Variants in PTPRN2 observed in about 807,000 individuals in gnomAD.
PTPRN2 encodes protein tyrosine phosphatase receptor type N2.
In PTPRN2, 74 loss-of-function variants were observed where a neutral mutation model predicts 118.8. The observed-to-expected ratio is 0.62, with a 90% CI of 0.52 to 0.76. The LOEUF is 0.76. Ranked by LOEUF, PTPRN2 falls within the 30% of genes least tolerant of loss-of-function variation. The probability of loss-of-function intolerance (pLI) is 0.00; values close to 1 mark genes in which losing one functional copy is unlikely to be tolerated. For synonymous variants in PTPRN2, 641 were observed against 608.0 expected (o/e 1.05, Z -0.80); for missense variants, 1,481 against 1,394.4 (o/e 1.06, Z -0.99).
At chr7:158,014,378 C>T (rs1362857566) in intron 11 of PTPRN2, among the ~76,000 whole-genome samples, 2 of 151,150 alleles carry the variant, frequency 1.3e-5, no homozygotes, top group Non-Finnish European at 3.0e-5. Flanking sequence ...CATCACTTTA[C>T]CTGTTTGTTC....
chr7:157,781,136 G>C (rs113729990), intron 12 of PTPRN2, among the ~76,000 whole-genome samples: 42 of 152,168 alleles, frequency 2.8e-4, no homozygotes, highest in African/African-American at 9.9e-4. Flanking sequence ...CGGTCCTATG[G>C]CCAGAGCACT....
chr7:157,994,845 G>A (rs375899456), intron 11 of PTPRN2, among the ~76,000 whole-genome samples: 3 of 11,026 alleles, frequency 2.7e-4, no homozygotes, highest in Non-Finnish European at 4.8e-4. Context: ...TCAACGCCGC[G>A]TCCCCAGCTT....
intron 11 of PTPRN2, among the ~76,000 whole-genome samples, chr7:158,018,279 C>G (rs979449669): frequency 4.1e-4 from 62 of 152,232 alleles, no homozygotes; most frequent in African/African-American, 1.4e-3. Flanking sequence ...ATTAGCACAA[C>G]AGGACAGGAC....
In PTPRN2 at chr7:158,193,186, C is replaced by T. The variant is rs1311130240; in HGVS notation, c.381-691G>A. 2.0e-5 allele frequency among the ~76,000 whole-genome samples: 3 copies of T among 152,308 alleles called. No homozygotes were observed. In the East Asian group the frequency reaches 5.8e-4, roughly 29 times the overall value. On this transcript the variant is annotated intron_variant, in intron 4 of 22. Coordinates refer to ENST00000389418, the MANE Select transcript of PTPRN2 (RefSeq NM_002847.5). ...CGTGGGCAGACACATGTGGTGCCCACCCTGCTGAGGGCGGCAGGGGTAGGG... is the reference window on the plus strand; with the variant it reads ...CGTGGGCAGACACATGTGGTGCCCATCCTGCTGAGGGCGGCAGGGGTAGGG...
rs1419269978 is a variant in PTPRN2 at position 158,194,283 on chromosome 7, T to A, written c.381-1788A>T. On this transcript the variant is annotated intron_variant, in intron 4 of 22. Coordinates refer to ENST00000389418, the MANE Select transcript of PTPRN2 (RefSeq NM_002847.5). ...GGAGTTTAGACACAGACCAAAGAGC[T>A]TTTAATTCTGGTTATTTTTAGTTTG... 9.8e-5 allele frequency among the ~76,000 whole-genome samples: 15 copies of A among 152,306 alleles called. No individual in the cohort carries two copies. In the South Asian group the frequency reaches 3.1e-3, roughly 32 times the overall value.
intron 3 of PTPRN2, among the ~76,000 whole-genome samples, chr7:158,302,058 C>T (rs112616835): frequency 1.8e-4 from 28 of 152,264 alleles, no homozygotes; most frequent in Non-Finnish European, 2.9e-5. Context: ...AAAACAAACC[C>T]GCTGGCAGTT....
chr7:157,643,901 C>T (rs1016528455), intron 14 of PTPRN2, among the ~76,000 whole-genome samples: 2 of 152,238 alleles, frequency 1.3e-5, no homozygotes, highest in Non-Finnish European at 2.9e-5. Context: ...GGCCCAGACA[C>T]CGGCCAGCCT....
intron 11 of PTPRN2, among the ~76,000 whole-genome samples, chr7:158,011,981 T>C (rs192327998): frequency 6.6e-6 from 1 of 152,296 alleles, no homozygotes; most frequent in East Asian, 1.9e-4. Flanking sequence ...AGATCAAATA[T>C]TCCATAACTC....
intron 11 of PTPRN2, among the ~76,000 whole-genome samples, chr7:158,041,263 A>C (rs1046351959): frequency 4.6e-5 from 7 of 152,240 alleles, no homozygotes; most frequent in South Asian, 2.1e-4. Flanking sequence ...AGTTCACAGC[A>C]AGAATACAAA....
At chr7:158,387,655 C>T (rs369235537) in intron 2 of PTPRN2, among the ~76,000 whole-genome samples, 1 of 74,972 alleles carries the variant, frequency 1.3e-5, no homozygotes, top group Non-Finnish European at 2.9e-5. Context: ...CGGTGGCCAC[C>T]ACCATCTGCT....
chr7:158,540,458 C>T (rs1825917875), intron 1 of PTPRN2, among the ~76,000 whole-genome samples: 1 of 151,966 alleles, frequency 6.6e-6, no homozygotes. Context: ...GTGGAGGTGA[C>T]GTGCTGGGTC....
intron 16 of PTPRN2, among the ~76,000 whole-genome samples, chr7:157,602,116 G>A (rs1801702628): frequency 6.6e-6 from 1 of 152,244 alleles, no homozygotes; most frequent in Admixed American, 6.5e-5. Context: ...ACGGAACCAA[G>A]CTTGGGAGTC....
chr7:158,332,356 C>T (rs1804654429), intron 2 of PTPRN2, among the ~76,000 whole-genome samples: 1 of 150,524 alleles, frequency 6.6e-6, no homozygotes, highest in Admixed American at 6.6e-5. Flanking sequence ...CACTCACACC[C>T]ACACTCTCAC....
intron 21 of PTPRN2, among the ~76,000 whole-genome samples, chr7:157,566,540 G>A (rs1347783333): frequency 3.3e-5 from 5 of 152,144 alleles, no homozygotes; most frequent in African/African-American, 2.4e-5. Flanking sequence ...ATTTCACACC[G>A]CACACACCCC....
At chr7:157,692,312 C>G (rs952846183) in intron 12 of PTPRN2, among the ~76,000 whole-genome samples, 3 of 152,218 alleles carry the variant, frequency 2.0e-5, no homozygotes, top group Admixed American at 2.0e-4. Flanking sequence ...CAGGCCAGGC[C>G]CAGGCGGCGC....
At chr7:158,398,435 GGTGA>G (rs987307195) in intron 2 of PTPRN2, among the ~76,000 whole-genome samples, 5 of 152,134 alleles carry the variant, frequency 3.3e-5, no homozygotes, top group Admixed American at 1.3e-4. Context: ...GGTGGGGCTC[GGTGA>G]GTGTCTTCTA....
At position 157,629,167 on chromosome 7, in the gene PTPRN2, G is replaced by A. The variant is rs1803784135; in HGVS notation, c.2197-7658C>T. On this transcript the variant is annotated intron_variant, in intron 14 of 22. Transcript: ENST00000389418. The surrounding 1 kb of genome is among the most constrained non-coding windows in gnomAD (Gnocchi z 4.4). The stretch of plus-strand genomic sequence containing the variant: ...GTAAAGGGTCCAGATGTGGTTCCAT[G>A]TGAATCCCGTCCACAGGCACTGGGA... Among the ~76,000 whole-genome samples the A allele has an allele frequency of 6.6e-6, 1 of 152,084 alleles. No individual in the cohort carries two copies. The highest frequency in any genetic ancestry group is 6.5e-5 in the Admixed American group (1 of 15,272).
At chr7:158,280,310 C>CGG (rs1799334267) in intron 3 of PTPRN2, among the ~76,000 whole-genome samples, 1 of 152,204 alleles carries the variant, frequency 6.6e-6, no homozygotes, top group African/African-American at 2.4e-5. Context: ...CTAACCCCGT[C>CGG]GGGGGCCATG....
At position 157,611,283 on chromosome 7, in the gene PTPRN2, G is replaced by C. The variant is rs773523991; in HGVS notation, c.2345-7208C>G. On this transcript the variant is annotated intron_variant, in intron 15 of 22. Transcript: ENST00000389418. The surrounding 1 kb of genome is among the most constrained non-coding windows in gnomAD (Gnocchi z 5.9). ...GGAAGCATGTTGGGCAGGTGACCTG[G>C]GGCAGGTGGACTAGAAGGAGCCTCA... 2.0e-5 allele frequency among the ~76,000 whole-genome samples: 3 copies of C among 152,248 alleles called. No homozygotes were observed. The highest frequency in any genetic ancestry group is 3.4e-3 in the Middle Eastern group (1 of 294).
Sources: allele counts gnomAD v4.1 joint callset (sites outside exome capture counted in the v4.1 genomes callset), GRCh38; gene constraint gnomAD v4.1.1; non-coding constraint Gnocchi (gnomAD v3.1); transcripts MANE v1.5; gene names NCBI Gene and HGNC (gene_info 2026-07-23, HGNC 2026-07-21).